SYNDIG1: variants seen among roughly 807,000 people sequenced by gnomAD.
SYNDIG1 encodes synapse differentiation inducing 1.
A neutral mutation model predicts 19.4 loss-of-function variants in SYNDIG1; 9 were observed. That is an observed-to-expected ratio of 0.46 (90% CI 0.28 to 0.81). The LOEUF (loss-of-function observed/expected upper bound fraction) is 0.81, where lower values mean the gene tolerates loss of function less well. SYNDIG1 is among the 30% of genes least tolerant of loss of function. The pLI, the probability that SYNDIG1 is intolerant of heterozygous loss-of-function variation, is 0.12. For missense variants in SYNDIG1, 311 were observed against 343.3 expected (o/e 0.91, Z 0.74); for synonymous variants, 141 against 145.9 (o/e 0.97, Z 0.24).
chr20:24,655,677 A>G (rs2059517560), intron 3 of SYNDIG1, among the ~76,000 whole-genome samples: 2 of 152,168 alleles, frequency 1.3e-5, no homozygotes, highest in East Asian at 3.9e-4. Flanking sequence ...TATTCCTTTG[A>G]TGATAAAAAC....
intron 3 of SYNDIG1, among the ~76,000 whole-genome samples, chr20:24,624,453 G>A (rs1475542128): frequency 6.6e-6 from 1 of 152,138 alleles, no homozygotes; most frequent in Non-Finnish European, 1.5e-5. Flanking sequence ...CATAGATAAG[G>A]AGGCACACTG....
chr20:24,533,774 G>T (rs917560306), intron 1 of SYNDIG1, among the ~76,000 whole-genome samples: 15 of 152,140 alleles, frequency 9.9e-5, no homozygotes, highest in Non-Finnish European at 2.1e-4. Flanking sequence ...GGCCTGACCT[G>T]TATGTGAGCC....
chr20:24,598,198 G>A (rs1440352030), intron 3 of SYNDIG1, among the ~76,000 whole-genome samples: 1 of 152,204 alleles, frequency 6.6e-6, no homozygotes, highest in Non-Finnish European at 1.5e-5. Flanking sequence ...ATGGAGTGGA[G>A]GGCTTGCCGC....
intron 3 of SYNDIG1, among the ~76,000 whole-genome samples, chr20:24,617,600 C>G (rs2058958354): frequency 6.6e-6 from 1 of 152,204 alleles, no homozygotes. Context: ...ATTTCACCCT[C>G]AGACTCCTCT....
intron 3 of SYNDIG1, among the ~76,000 whole-genome samples, chr20:24,643,315 A>G (rs193100138): frequency 1.3e-5 from 2 of 152,336 alleles, no homozygotes; most frequent in East Asian, 3.9e-4. Context: ...CATGAGAAGT[A>G]ACTTTATCAG....
intron 2 of SYNDIG1, among the ~76,000 whole-genome samples, chr20:24,551,796 G>A (rs1011919392): frequency 6.6e-6 from 1 of 151,914 alleles, no homozygotes; most frequent in African/African-American, 2.4e-5. Flanking sequence ...GGATTTTGTT[G>A]TTTCCTATTA....
At chr20:24,565,357 G>A (rs1298861085) in intron 2 of SYNDIG1, among the ~76,000 whole-genome samples, 2 of 152,252 alleles carry the variant, frequency 1.3e-5, no homozygotes, top group Non-Finnish European at 2.9e-5. Flanking sequence ...GGCCGAGACT[G>A]TAAAATACAG....
chr20:24,557,896 A>G (rs993190694), intron 2 of SYNDIG1, among the ~76,000 whole-genome samples: 2 of 152,232 alleles, frequency 1.3e-5, no homozygotes, highest in African/African-American at 4.8e-5. Flanking sequence ...GGAGCTGTAG[A>G]CCGGAGCTGT....
intron 3 of SYNDIG1, among the ~76,000 whole-genome samples, chr20:24,598,176 A>C (rs1263974900): frequency 6.6e-6 from 1 of 152,198 alleles, no homozygotes; most frequent in South Asian, 2.1e-4. Context: ...GCAGACGGGC[A>C]CTGTGCAGGG....
In SYNDIG1 at chr20:24,584,768, C is replaced by T. The variant is rs113550315; in HGVS notation, c.481-88C>T. The T allele has an allele frequency of 1.2e-4, 194 of 1,588,856 alleles. 2 individuals are homozygous for T. The African/African-American group carries it at 2.3e-3, about 18-fold the overall frequency. ...CCTCCCGGGGAGGGCCTGCGCCAGC[C>T]AGGGGTCATCCCACATCCCTGGACA... On this transcript the variant is annotated intron_variant, in intron 2 of 3. Transcript: ENST00000376862.
intron 2 of SYNDIG1, among the ~76,000 whole-genome samples, chr20:24,548,252 G>A (rs996604659): frequency 2.0e-5 from 3 of 152,140 alleles, no homozygotes; most frequent in Non-Finnish European, 2.9e-5. Context: ...TCATGATGAT[G>A]CTGTTCTTTC....
At chr20:24,578,616 G>A (rs1236325328) in intron 2 of SYNDIG1, among the ~76,000 whole-genome samples, 1 of 152,192 alleles carries the variant, frequency 6.6e-6, no homozygotes, top group Non-Finnish European at 1.5e-5. Flanking sequence ...ATGAGAAGTG[G>A]CATTTGCGCA....
chr20:24,587,951 G>T (rs1207945552), intron 3 of SYNDIG1, among the ~76,000 whole-genome samples: 1 of 152,202 alleles, frequency 6.6e-6, no homozygotes, highest in African/African-American at 2.4e-5. Context: ...AAAGGAACAT[G>T]CCAAGCCATT....
intron 1 of SYNDIG1, among the ~76,000 whole-genome samples, chr20:24,487,289 T>A (rs2055994764): frequency 6.6e-6 from 1 of 152,210 alleles, no homozygotes; most frequent in African/African-American, 2.4e-5. Context: ...ATTTTTACCA[T>A]CCTTTTATTT....
intron 2 of SYNDIG1, among the ~76,000 whole-genome samples, chr20:24,580,631 A>T (rs1378663678): frequency 6.6e-6 from 1 of 151,778 alleles, no homozygotes; most frequent in African/African-American, 2.4e-5. Flanking sequence ...CGGGTCTCGA[A>T]CTCCTGACCT....
In SYNDIG1 at chr20:24,577,519, G is replaced by T. The variant is rs550426785; in HGVS notation, c.481-7337G>T. 6.6e-5 allele frequency among the ~76,000 whole-genome samples: 10 copies of T among 152,362 alleles called. No homozygotes were observed. The South Asian group carries it at 2.1e-3, about 32-fold the overall frequency. The stretch of plus-strand genomic sequence containing the variant: ...CATGAAGACTCATTCCCTTCTGTGG[G>T]AGTGGAAGCTCTTGCCTGGAGACCT... On this transcript the variant is annotated intron_variant, in intron 2 of 3. Transcript: ENST00000376862.
At chr20:24,628,353 A>G (rs762772373) in intron 3 of SYNDIG1, among the ~76,000 whole-genome samples, 42 of 152,218 alleles carry the variant, frequency 2.8e-4, no homozygotes, top group Non-Finnish European at 5.7e-4. Context: ...ACCTTCCATT[A>G]TGCAGCTCTG....
chr20:24,530,608 T>G, intron 1 of SYNDIG1, among the ~76,000 whole-genome samples: 1 of 152,114 alleles, frequency 6.6e-6, no homozygotes, highest in Non-Finnish European at 1.5e-5. Context: ...TAGGGAAGTT[T>G]TACTATTTAC....
chr20:24,592,205 C>T (rs927108489), intron 3 of SYNDIG1, among the ~76,000 whole-genome samples: 1 of 152,188 alleles, frequency 6.6e-6, no homozygotes, highest in Non-Finnish European at 1.5e-5. Context: ...TCTGCAAATT[C>T]TGCAAAGGTG....
Sources: gnomAD v4.1 joint callset for allele counts (sites outside exome capture counted in the v4.1 genomes callset) on GRCh38, gnomAD v4.1.1 for gene constraint, MANE v1.5 for transcripts, NCBI Gene and HGNC (gene_info 2026-07-23, HGNC 2026-07-21) for gene names.